Variants in UGT1A6 observed in about 807,000 individuals in gnomAD.
The protein encoded by UGT1A6 is UDP-glucuronosyltransferase 1A6.
In UGT1A6, 32 loss-of-function variants were observed where a neutral mutation model predicts 44.4. The ratio of observed to expected loss-of-function variants is 0.72; its 90% CI spans 0.54 to 0.97. The LOEUF (loss-of-function observed/expected upper bound fraction) is 0.97, where lower values mean the gene tolerates loss of function less well. Among genes scored for constraint, UGT1A6 ranks in the 50% least tolerant of loss-of-function variants. The pLI is 0.00. For synonymous variants in UGT1A6, 238 were observed against 248.5 expected (o/e 0.96, Z 0.40); for missense variants, 685 against 661.9 (o/e 1.03, Z -0.38).
At chr2:233,703,158 C>T (rs2075725163) in intron 1 of UGT1A6, among the ~76,000 whole-genome samples, 1 of 152,106 alleles carries the variant, frequency 6.6e-6, no homozygotes, top group Admixed American at 6.5e-5. Context: ...TGTATTTCTT[C>T]TTGATTCAAT....
At chr2:233,745,063 T>C (rs1693001663) in intron 1 of UGT1A6, among the ~76,000 whole-genome samples, 1 of 151,886 alleles carries the variant, frequency 6.6e-6, no homozygotes, top group African/African-American at 2.4e-5. Flanking sequence ...ATTTGTATTA[T>C]TTGTATTGTT....
At chr2:233,755,311 C>T (rs1380738778) in intron 1 of UGT1A6, 2 of 555,594 alleles carry the variant, frequency 3.6e-6, no homozygotes, top group South Asian at 1.8e-5. Flanking sequence ...GCACAGCGAG[C>T]GGCAAGGCTG....
Position 233,772,549 on chromosome 2 carries a change from A to G in UGT1A6, c.1589A>G (p.Lys530Arg), listed in dbSNP as rs1196632178. Residue 530 changes from lysine to arginine, a missense_variant, in exon 5 of 5, where the codon AAG (lysine) becomes AGG (arginine). By Grantham distance (26) the Lys-to-Arg change is conservative (BLOSUM62 2). Coordinates refer to ENST00000305139, the MANE Select transcript of UGT1A6 (RefSeq NM_001072.4). ...CGAGTTAAGAAAGCCCACAAATCCA[A>G]GACCCATTGAGAAGTGGGTGGGAAA... ...KGRVKKAHKS[K>R]TH 6.2e-7 allele frequency: 1 copy of G among 1,614,094 alleles called. No individual in the cohort carries two copies. The highest frequency in any genetic ancestry group is 8.5e-7 in the Non-Finnish European group (1 of 1,179,962).
intron 1 of UGT1A6, chr2:233,761,300 G>A (rs2125991152): frequency 6.7e-7 from 1 of 1,496,402 alleles, no homozygotes; most frequent in Non-Finnish European, 9.1e-7. Flanking sequence ...CTAGGTTTGA[G>A]TCTGTCTTTG....
In UGT1A6 at chr2:233,743,685, T is replaced by C. The variant is rs192235508; in HGVS notation, c.862-23349T>C. The C allele has an allele frequency of 2.3e-3, 3,085 of 1,367,218 alleles. 13 individuals carry two copies. The highest frequency in any genetic ancestry group is 0.017 in the Middle Eastern group (80 of 4,768). The allele number at this position is 1,367,218 out of a possible 1,614,324, so 84.7% of individuals were successfully genotyped here. A position where few individuals can be genotyped will look rare whatever the true frequency, so the allele number is the denominator to read the frequency against. On this transcript the variant is annotated intron_variant, in intron 1 of 4. Coordinates refer to ENST00000305139, the MANE Select transcript of UGT1A6 (RefSeq NM_001072.4). ...GGGTCCTCGAAGGGCCTGCCGCCTG[T>C]GCAGCCGCCCTCCGCCCCCGCCTCG...
intron 1 of UGT1A6, chr2:233,744,073 C>T (rs1340911345): frequency 3.6e-5 from 17 of 475,584 alleles, no homozygotes; most frequent in South Asian, 1.4e-4. Flanking sequence ...ATGAGCGCCT[C>T]GCATCCCAAG....
At chr2:233,710,843 G>T (rs1338950468) in intron 1 of UGT1A6, among the ~76,000 whole-genome samples, 1 of 152,164 alleles carries the variant, frequency 6.6e-6, no homozygotes, top group Admixed American at 6.5e-5. Flanking sequence ...AAAGGTGGGA[G>T]GATTTGTTTC....
Position 233,769,147 on chromosome 2 carries a change from G to A in UGT1A6, c.1301+708G>A, listed in dbSNP as rs1297167698. 6.6e-6 allele frequency among the ~76,000 whole-genome samples: 1 copy of A among 152,116 alleles called. No homozygotes were observed. The highest frequency in any genetic ancestry group is 2.4e-5 in the African/African-American group (1 of 41,410). On this transcript the variant is annotated intron_variant, in intron 4 of 4. Transcript: ENST00000305139. This position sits in a 1 kb window ranked among gnomAD's most constrained non-coding sequence, Gnocchi z 4.4. ...AGAAGTACAGCTTTTTGCAGCACTG[G>A]AACCTGTGAGAAATTTTGTCCATGG...
intron 1 of UGT1A6, among the ~76,000 whole-genome samples, chr2:233,720,986 C>T (rs931930745): frequency 6.6e-6 from 1 of 151,446 alleles, no homozygotes; most frequent in Admixed American, 6.6e-5. Flanking sequence ...GCTGGGATTA[C>T]AGGCAAGAGC....
chr2:233,713,431 A>G lies in UGT1A6; in HGVS notation c.861+19566A>G, dbSNP rs1575502820. The G allele has an allele frequency of 2.5e-6, 4 of 1,614,124 alleles. 1 individual carries two copies. Among genetic ancestry groups the G allele is most frequent in the Middle Eastern group, 3.3e-4 (2 of 6,062 alleles). ...AGGCACCTGCATGCTACTTCCTTTG[A>G]TGTGGTTCTAACAGACCCCTTTCAC... On this transcript the variant is annotated intron_variant, in intron 1 of 4. Transcript: ENST00000305139.
chr2:233,771,755 C>T (rs1253888254), intron 4 of UGT1A6: 1 of 153,306 alleles, frequency 6.5e-6, no homozygotes, highest in South Asian at 2.1e-4. Flanking sequence ...TTTCTCCCTT[C>T]CTTCCTCCGT....
intron 1 of UGT1A6, chr2:233,743,331 T>G (rs1692262646): frequency 1.3e-6 from 1 of 770,826 alleles, no homozygotes; most frequent in South Asian, 1.4e-5. Context: ...CATCAACTAT[T>G]TCAGTGGAAG....
At chr2:233,760,806 T>C (rs751197990) in intron 1 of UGT1A6, 3 of 1,613,492 alleles carry the variant, frequency 1.9e-6, no homozygotes, top group Non-Finnish European at 2.5e-6. Context: ...TCTTCTTGCA[T>C]GCACTGCCAT....
chr2:233,758,878 C>A (rs1575761639), intron 1 of UGT1A6, among the ~76,000 whole-genome samples: 1 of 152,186 alleles, frequency 6.6e-6, no homozygotes, highest in East Asian at 1.9e-4. Context: ...CCCCATAGTC[C>A]ATGGTCAATA....
chr2:233,713,649 C>A lies in UGT1A6; in HGVS notation c.861+19784C>A, dbSNP rs2076336502. 5.6e-6 allele frequency: 9 copies of A among 1,613,872 alleles called. No individual in the cohort carries two copies. The East Asian group carries it at 2.0e-4, about 36-fold the overall frequency. On this transcript the variant is annotated intron_variant, in intron 1 of 4. Transcript: ENST00000305139. ...CAAGAACATGCTCTACCCTCTGGCC[C>A]TGTCCTACCTTTGCCATGCTGTTTC... is the stretch of plus-strand genomic sequence containing the variant.
chr2:233,752,486 G>A (rs1051165548), intron 1 of UGT1A6: 1 of 152,154 alleles, frequency 6.6e-6, no homozygotes, highest in African/African-American at 2.4e-5. Context: ...TTATGTTTTT[G>A]AGATGAGACA....
Position 233,693,102 on chromosome 2 carries a change from C to T in UGT1A6, c.98C>T (p.Pro33Leu). 6.2e-7 allele frequency: 1 copy of T among 1,614,144 alleles called. No homozygotes were observed. Among genetic ancestry groups the T allele is most frequent in the Non-Finnish European group, 8.5e-7 (1 of 1,180,038 alleles). ...GTAGGTGACAAGCTGCTGGTGGTCC[C>T]TCAGGACGGAAGCCACTGGCTTAGT... ...MVVGDKLLVV[P>L]QDGSHWLSMK... The change falls in exon 1 of 5, where the codon CCT (proline) becomes CTT (leucine). Residue 33 changes from proline to leucine, a missense_variant. By Grantham distance (98) the Pro-to-Leu change is moderately conservative. Transcript: ENST00000305139.
chr2:233,696,633 T>C (rs1245843858), intron 1 of UGT1A6, among the ~76,000 whole-genome samples: 3 of 152,220 alleles, frequency 2.0e-5, no homozygotes, highest in East Asian at 3.9e-4. Flanking sequence ...TCTTGCTTAA[T>C]TGCTTTGGAT....
chr2:233,743,634 C>G lies in UGT1A6; in HGVS notation c.862-23400C>G, dbSNP rs776464072. On this transcript the variant is annotated intron_variant, in intron 1 of 4. Coordinates refer to ENST00000305139, the MANE Select transcript of UGT1A6 (RefSeq NM_001072.4). ...AACTCCCTGAAGACGTCGGCTGGGT[C>G]GCGGAAGCTGAAGACGTACTCGAAG... is the stretch of plus-strand genomic sequence containing the variant. 14 of 1,367,180 alleles carry G rather than the reference C, an allele frequency of 1.0e-5. No individual in the cohort carries two copies. In the South Asian group the frequency reaches 1.5e-4, roughly 14 times the overall value. 84.7% of individuals were successfully genotyped at this position (1,367,180 alleles called of 1,614,324 possible).
Sources: allele counts gnomAD v4.1 joint callset (sites outside exome capture counted in the v4.1 genomes callset), GRCh38; gene constraint gnomAD v4.1.1; non-coding constraint Gnocchi (gnomAD v3.1); transcripts MANE v1.5; gene names NCBI Gene and HGNC (gene_info 2026-07-23, HGNC 2026-07-21).